Variants in CNST observed in about 807,000 individuals in gnomAD.
CNST encodes the protein consortin, connexin sorting protein.
Under a neutral mutation model 72.4 loss-of-function variants are expected in CNST, and 39 were observed. The ratio of observed to expected loss-of-function variants is 0.54; its 90% CI spans 0.42 to 0.70. The LOEUF (loss-of-function observed/expected upper bound fraction) is 0.70. CNST is among the 30% of genes least tolerant of loss of function. CNST has a pLI of 0.00. For synonymous variants in CNST, 332 were observed against 320.1 expected, an observed-to-expected ratio of 1.04 and a Z score of -0.40; for missense variants, 871 against 868.5, an observed-to-expected ratio of 1.00 and a Z score of -0.04.
intron 2 of CNST, among the ~76,000 whole-genome samples, chr1:246,616,726 TG>T (rs1053188454): frequency 7.2e-5 from 11 of 152,026 alleles, no homozygotes; most frequent in Admixed American, 5.2e-4. Context: ...GGCTAATTTT[TG>T]TATTTTTAGT....
At chr1:246,623,192 A>G (rs1664202121) in intron 3 of CNST, among the ~76,000 whole-genome samples, 1 of 152,242 alleles carries the variant, frequency 6.6e-6, no homozygotes, top group Non-Finnish European at 1.5e-5. Flanking sequence ...TTACTTTTGT[A>G]ATGAGAAGTG....
At chr1:246,660,123 A>G (rs1667006549) in intron 9 of CNST, 76 bp from the exon 10 acceptor site, 6 of 1,249,946 alleles carry the variant, frequency 4.8e-6, no homozygotes, top group South Asian at 1.7e-5. Flanking sequence ...TATCTGTTGA[A>G]TGAGCCTTTT....
chr1:246,573,364 T>C (rs1660185628), intron 1 of CNST, among the ~76,000 whole-genome samples: 1 of 152,248 alleles, frequency 6.6e-6, no homozygotes. Flanking sequence ...ATTTGAACTT[T>C]TGTTTTAAAA....
rs368547874 is a variant in CNST at position 246,644,589 on chromosome 1, G to A, written c.938-2550G>A. Among the ~76,000 whole-genome samples the A allele has an allele frequency of 4.6e-4, 70 of 152,248 alleles. 1 individual carries two copies. In the South Asian group the frequency reaches 8.7e-3, roughly 19 times the overall value. On this transcript the variant is annotated intron_variant, in intron 8 of 10. Transcript: ENST00000366513. Reference sequence around the variant, plus strand: ...GATTATGACTGAACCCAGGTTGTGCGGTGGCTCCAGCAGGAGCAGCTACGG... The same window carrying A: ...GATTATGACTGAACCCAGGTTGTGCAGTGGCTCCAGCAGGAGCAGCTACGG...
intron 2 of CNST, among the ~76,000 whole-genome samples, chr1:246,602,351 A>C (rs914124386): frequency 2.0e-5 from 3 of 152,170 alleles, no homozygotes; most frequent in African/African-American, 7.2e-5. Context: ...CTTCTGACTT[A>C]AGTCTCTTAT....
chr1:246,584,915 A>G (rs1009601119), intron 1 of CNST, among the ~76,000 whole-genome samples: 10 of 152,204 alleles, frequency 6.6e-5, no homozygotes, highest in Non-Finnish European at 1.2e-4. Context: ...TTTGGATTAT[A>G]TACTGAATAT....
chr1:246,667,317 T>C lies in CNST; in HGVS notation c.*1412T>C, dbSNP rs1263223319. ...ATTATGTGAATCTTAAAGGGCTTTT[T>C]ATATCAGTTGAAAGTGTGTTACTGC... On this transcript the variant is annotated 3_prime_UTR_variant, in exon 11 of 11. Coordinates refer to ENST00000366513, the MANE Select transcript of CNST (RefSeq NM_152609.3). 1 of 152,240 alleles carries C rather than the reference T, an allele frequency of 6.6e-6. No homozygotes were observed. Among genetic ancestry groups the C allele is most frequent in the African/African-American group, 2.4e-5 (1 of 41,458 alleles). 9.4% of individuals were successfully genotyped at this position (152,240 alleles called of 1,614,324 possible). A position where few individuals can be genotyped will look rare whatever the true frequency, so the allele number is the denominator to read the frequency against.
chr1:246,666,007 G>T lies in CNST; in HGVS notation c.*102G>T. Reference sequence around the variant, plus strand: ...TTCTGTAGCATTCCCCCTTCCCTCTGTTAGGAACCAAGGACATCAGAAATA... The same window carrying T: ...TTCTGTAGCATTCCCCCTTCCCTCTTTTAGGAACCAAGGACATCAGAAATA... On this transcript the variant is annotated 3_prime_UTR_variant, in exon 11 of 11. Coordinates refer to ENST00000366513, the MANE Select transcript of CNST (RefSeq NM_152609.3). 1.2e-6 allele frequency: 1 copy of T among 811,846 alleles called. No individual in the cohort carries two copies. Among genetic ancestry groups the T allele is most frequent in the Non-Finnish European group, 1.9e-6 (1 of 516,112 alleles). The allele number at this position is 811,846 out of a possible 1,614,324, so 50.3% of individuals were successfully genotyped here.
At chr1:246,659,151 G>A (rs534201840) in intron 9 of CNST, among the ~76,000 whole-genome samples, 4 of 152,280 alleles carry the variant, frequency 2.6e-5, no homozygotes, top group Admixed American at 6.5e-5. Flanking sequence ...TCTTAGAACC[G>A]CACAGTGCCA....
chr1:246,598,251 C>T (rs949768056), intron 2 of CNST, among the ~76,000 whole-genome samples: 1 of 151,158 alleles, frequency 6.6e-6, no homozygotes, highest in African/African-American at 2.4e-5. Flanking sequence ...CCCTAAAGTG[C>T]TAGGATTAGA....
intron 6 of CNST, among the ~76,000 whole-genome samples, chr1:246,640,620 G>C (rs779671200): frequency 6.6e-6 from 1 of 152,130 alleles, no homozygotes; most frequent in Non-Finnish European, 1.5e-5. Flanking sequence ...TCCATTTTAT[G>C]GATAACTTTT....
intron 2 of CNST, chr1:246,606,157 A>G (rs1662790076): frequency 1.3e-5 from 2 of 152,314 alleles, no homozygotes; most frequent in African/African-American, 4.8e-5. Context: ...TAGCAGGAGC[A>G]TCGTCTGGAT....
At chr1:246,593,346 C>T (rs1176834240) in intron 2 of CNST, among the ~76,000 whole-genome samples, 39 of 146,404 alleles carry the variant, frequency 2.7e-4, no homozygotes, top group Admixed American at 2.7e-3. Flanking sequence ...TTTTTTGAGG[C>T]GAGTCTCACT....
intron 9 of CNST, among the ~76,000 whole-genome samples, chr1:246,656,676 G>A (rs553760048): frequency 5.5e-4 from 84 of 152,284 alleles, no homozygotes; most frequent in Middle Eastern, 3.4e-3. Context: ...CGGGCACAGT[G>A]GCGCAAATCT....
intron 8 of CNST, 92 bp downstream of exon 8, chr1:246,642,129 TCTGG>T: frequency 4.0e-6 from 2 of 500,048 alleles, no homozygotes; most frequent in Admixed American, 4.5e-5. Flanking sequence ...CTGCAAAGGA[TCTGG>T]TTTTTTTTTT....
At chr1:246,576,392 A>T (rs898042254) in intron 1 of CNST, among the ~76,000 whole-genome samples, 4 of 149,272 alleles carry the variant, frequency 2.7e-5, no homozygotes, top group Non-Finnish European at 5.9e-5. Flanking sequence ...GTGTTCAGTG[A>T]CTATTATTTT....
At chr1:246,582,951 C>T (rs569826513) in intron 1 of CNST, among the ~76,000 whole-genome samples, 3 of 152,320 alleles carry the variant, frequency 2.0e-5, no homozygotes, top group African/African-American at 7.2e-5. Context: ...AGCACTCATT[C>T]GCCCTGTCTG....
intron 2 of CNST, among the ~76,000 whole-genome samples, chr1:246,608,825 T>C (rs553713886): frequency 2.0e-5 from 3 of 152,374 alleles, no homozygotes; most frequent in East Asian, 1.9e-4. Flanking sequence ...TTCCCGTCCC[T>C]GTATTGACAT....
intron 10 of CNST, among the ~76,000 whole-genome samples, chr1:246,665,498 A>G (rs1179513340): frequency 2.0e-5 from 3 of 152,236 alleles, no homozygotes; most frequent in Admixed American, 1.3e-4. Context: ...AGCTTGTACA[A>G]GCTCCACAAG....
Sources: allele counts gnomAD v4.1 joint callset (sites outside exome capture counted in the v4.1 genomes callset), GRCh38; gene constraint gnomAD v4.1.1; transcripts MANE v1.5; gene names NCBI Gene and HGNC (gene_info 2026-07-23, HGNC 2026-07-21).